Variants in MARCHF1 observed in about 807,000 individuals in gnomAD.
The protein encoded by MARCHF1 is membrane associated ring-CH-type finger 1, also known as E3 ubiquitin-protein ligase MARCHF1.
In MARCHF1, 40 loss-of-function variants were observed where a neutral mutation model predicts 54.2. The observed-to-expected ratio is 0.74, with a 90% CI of 0.57 to 0.96. The LOEUF (loss-of-function observed/expected upper bound fraction) is 0.96. MARCHF1 is among the 40% of genes least tolerant of loss of function. The probability of loss-of-function intolerance (pLI) is 0.00; values close to 1 mark genes in which losing one functional copy is unlikely to be tolerated. For synonymous variants in MARCHF1, 236 were observed against 236.3 expected, an observed-to-expected ratio of 1.00 and a Z score of 0.01; for missense variants, 586 against 656.5, an observed-to-expected ratio of 0.89 and a Z score of 1.17.
intron 1 of MARCHF1, among the ~76,000 whole-genome samples, chr4:164,134,893 T>A (rs1479524037): frequency 6.6e-6 from 1 of 151,816 alleles, no homozygotes; most frequent in Non-Finnish European, 1.5e-5. Flanking sequence ...AGCAACTATA[T>A]CTCTAAACAA....
At chr4:164,276,947 T>TAG (rs869098740) in intron 1 of MARCHF1, among the ~76,000 whole-genome samples, 31 of 118,798 alleles carry the variant, frequency 2.6e-4, no homozygotes, top group African/African-American at 7.5e-4. Context: ...TATATATATA[T>TAG]AGAGAGAGAG....
chr4:164,149,203 C>G (rs1362487962), intron 1 of MARCHF1, among the ~76,000 whole-genome samples: 1 of 152,168 alleles, frequency 6.6e-6, no homozygotes, highest in Non-Finnish European at 1.5e-5. Flanking sequence ...TGAGCAGATG[C>G]TGGTGCCATG....
At chr4:164,245,120 C>T (rs1732902665) in intron 1 of MARCHF1, among the ~76,000 whole-genome samples, 1 of 152,120 alleles carries the variant, frequency 6.6e-6, no homozygotes, top group Non-Finnish European at 1.5e-5. Flanking sequence ...AGGCCAGCAT[C>T]ATTCTGATAC....
chr4:164,009,485 C>T (rs571330056), intron 2 of MARCHF1, among the ~76,000 whole-genome samples: 1 of 152,140 alleles, frequency 6.6e-6, no homozygotes, highest in South Asian at 2.1e-4. Flanking sequence ...GATGAAGATA[C>T]AATAAAGAAA....
intron 3 of MARCHF1, among the ~76,000 whole-genome samples, chr4:163,965,987 A>T (rs946335635): frequency 6.6e-6 from 1 of 152,110 alleles, no homozygotes; most frequent in Non-Finnish European, 1.5e-5. Context: ...GACAGATACA[A>T]TAACATAAAC....
intron 1 of MARCHF1, among the ~76,000 whole-genome samples, chr4:164,333,527 G>A (rs1729630846): frequency 6.6e-6 from 1 of 152,110 alleles, no homozygotes; most frequent in Non-Finnish European, 1.5e-5. Flanking sequence ...TCATTTGGGG[G>A]CACCATGAAC....
intron 1 of MARCHF1, among the ~76,000 whole-genome samples, chr4:164,269,213 G>A (rs1489362922): frequency 6.6e-6 from 1 of 152,114 alleles, no homozygotes; most frequent in Non-Finnish European, 1.5e-5. Flanking sequence ...ACTATCACAA[G>A]GACTTTCTAT....
intron 1 of MARCHF1, among the ~76,000 whole-genome samples, chr4:164,256,083 A>T (rs1251220549): frequency 6.6e-6 from 1 of 152,100 alleles, no homozygotes; most frequent in Admixed American, 6.6e-5. Context: ...ATGAGGCTAG[A>T]AATTGGTGAC....
chr4:163,982,350 T>C (rs1294805784), intron 3 of MARCHF1, among the ~76,000 whole-genome samples: 1 of 152,204 alleles, frequency 6.6e-6, no homozygotes, highest in Non-Finnish European at 1.5e-5. Context: ...ATTTGGTTAA[T>C]ACAGAGCATT....
chr4:163,554,567 A>ACTTGGGTCAGAGACCCCTGTCTGG (rs1215359340), intron 8 of MARCHF1, among the ~76,000 whole-genome samples: 1 of 152,172 alleles, frequency 6.6e-6, no homozygotes, highest in East Asian at 1.9e-4. Flanking sequence ...GGTTAGGGAG[A>ACTTGGGTCAGAGACCCCTGTCTGG]CTTGGGTCAG....
chr4:164,370,485 G>T lies in MARCHF1; in HGVS notation c.-323+13385C>A, dbSNP rs74480506. ...ACTCTCTCACCAGTCTCCTGGTAGT[G>T]TCTCACATTAGCCACACCTAACTAG... On this transcript the variant is annotated intron_variant, in intron 1 of 9. Coordinates refer to ENST00000514618, the MANE Select transcript of MARCHF1 (RefSeq NM_001394959.1). Among the ~76,000 whole-genome samples the T allele has an allele frequency of 8.2e-4, 125 of 152,338 alleles. 2 individuals are homozygous for T. Among genetic ancestry groups the T allele is most frequent in the Non-Finnish European group, 1.5e-3 (100 of 68,036 alleles).
chr4:164,340,414 G>GATAT lies in MARCHF1; in HGVS notation c.-323+43452_-323+43455dup, dbSNP rs70952623. Among the ~76,000 whole-genome samples, 229 of 93,366 alleles carry GATAT rather than the reference G, an allele frequency of 2.5e-3. 13 individuals are homozygous for GATAT. Among genetic ancestry groups the GATAT allele is most frequent in the African/African-American group, 5.1e-3 (143 of 27,894 alleles). 61.3% of individuals were successfully genotyped at this position (93,366 alleles called of 152,430 possible). A position where few individuals can be genotyped will look rare whatever the true frequency, so the allele number is the denominator to read the frequency against. Reference sequence around the variant, plus strand: ...GCCACCAGGCCTTGATTTATATATAGATATATATATATATATATATAGTTT... The same window carrying GATAT: ...GCCACCAGGCCTTGATTTATATATAGATATATATATATATATATATATATAGTTT... On this transcript the variant is annotated intron_variant, in intron 1 of 9. Transcript: ENST00000514618.
intron 1 of MARCHF1, among the ~76,000 whole-genome samples, chr4:164,177,185 A>G (rs888020373): frequency 1.3e-5 from 2 of 151,646 alleles, no homozygotes; most frequent in Non-Finnish European, 2.9e-5. Flanking sequence ...TACCTCTGGC[A>G]TCTGGAACAA....
chr4:163,924,346 G>GA (rs1751494361), intron 3 of MARCHF1, among the ~76,000 whole-genome samples: 2 of 152,082 alleles, frequency 1.3e-5, no homozygotes, highest in African/African-American at 4.8e-5. Context: ...TACAAGTGAA[G>GA]AAAAATCATG....
chr4:164,252,692 C>A (rs141588127), intron 1 of MARCHF1, among the ~76,000 whole-genome samples: 1 of 152,012 alleles, frequency 6.6e-6, no homozygotes, highest in Non-Finnish European at 1.5e-5. Flanking sequence ...TTTACTTTAA[C>A]AAGTTAATAT....
rs59407572 is a variant in MARCHF1 at position 164,307,969 on chromosome 4, G to A, written c.-323+75901C>T. Among the ~76,000 whole-genome samples the A allele has an allele frequency of 7.3e-3, 1,104 of 152,168 alleles. 11 individuals are homozygous for A. The highest frequency in any genetic ancestry group is 0.025 in the African/African-American group (1,033 of 41,498). ...TCTTCATTCACATGATTTACCCCTT[G>A]AGCCTACTAAACACGCCAAATCTTA... On this transcript the variant is annotated intron_variant, in intron 1 of 9. Transcript: ENST00000514618.
intron 7 of MARCHF1, among the ~76,000 whole-genome samples, chr4:163,590,391 T>C (rs750256551): frequency 4.6e-5 from 7 of 152,098 alleles, no homozygotes; most frequent in Non-Finnish European, 8.8e-5. Flanking sequence ...ATCAGACATC[T>C]CAGTGTCTTT....
At chr4:164,173,683 C>T (rs1730586934) in intron 1 of MARCHF1, among the ~76,000 whole-genome samples, 1 of 152,152 alleles carries the variant, frequency 6.6e-6, no homozygotes, top group South Asian at 2.1e-4. Flanking sequence ...CATGTCCTCC[C>T]CTTTCTCTTG....
chr4:164,142,264 C>T (rs1401043769), intron 1 of MARCHF1, among the ~76,000 whole-genome samples: 1 of 152,180 alleles, frequency 6.6e-6, no homozygotes, highest in Non-Finnish European at 1.5e-5. Context: ...CGCTATTGCC[C>T]AGGCTTGCTT....
Sources: gnomAD v4.1 joint callset for allele counts (sites outside exome capture counted in the v4.1 genomes callset) on GRCh38, gnomAD v4.1.1 for gene constraint, MANE v1.5 for transcripts, NCBI Gene and HGNC (gene_info 2026-07-23, HGNC 2026-07-21) for gene names.